The following NRG1 variants were observed in gnomAD, a reference collection of about 807,000 sequenced individuals.
NRG1 encodes the protein pro-neuregulin-1, membrane-bound isoform.
In NRG1, 18 loss-of-function variants were observed where a neutral mutation model predicts 63.8. That is an observed-to-expected ratio of 0.28 (90% CI 0.19 to 0.42). The LOEUF is 0.42. Among genes scored for constraint, NRG1 ranks in the 10% least tolerant of loss-of-function variants. The probability of loss-of-function intolerance (pLI) is 1.00; values close to 1 mark genes in which losing one functional copy is unlikely to be tolerated. For synonymous variants in NRG1, 302 were observed against 301.3 expected (o/e 1.00, Z -0.02); for missense variants, 762 against 814.7 (o/e 0.94, Z 0.79).
intron 1 of NRG1, among the ~76,000 whole-genome samples, chr8:32,226,078 G>A (rs1563927153): frequency 6.6e-6 from 1 of 152,136 alleles, no homozygotes; most frequent in African/African-American, 2.4e-5. Flanking sequence ...TGAAGATATG[G>A]CTCTAGATTC....
chr8:31,909,046 G>A (rs1832740267), intron 1 of NRG1, among the ~76,000 whole-genome samples: 1 of 152,100 alleles, frequency 6.6e-6, no homozygotes, highest in African/African-American at 2.4e-5. Flanking sequence ...TCAACTGTAG[G>A]TCATCTCACC....
chr8:32,725,763 C>T (rs138276793), intron 5 of NRG1, among the ~76,000 whole-genome samples: 207 of 151,936 alleles, frequency 1.4e-3, no homozygotes, highest in Admixed American at 2.6e-3. Context: ...CGTGATCCAC[C>T]GTACCCAGCC....
intron 1 of NRG1, among the ~76,000 whole-genome samples, chr8:31,854,817 G>C (rs1285643681): frequency 1.3e-5 from 2 of 151,878 alleles, no homozygotes. Context: ...TTGTGTCTTT[G>C]TTCTCGTTGG....
chr8:32,693,468 G>A lies in NRG1; in HGVS notation c.503-34481G>A, dbSNP rs905832756. Among the ~76,000 whole-genome samples, 10 of 150,964 alleles carry A rather than the reference G, an allele frequency of 6.6e-5. 1 individual carries two copies. The highest frequency in any genetic ancestry group is 5.9e-4 in the East Asian group (3 of 5,108). ...CCTGACCTTGTGATCCGCCCACCTC[G>A]GCCTCCCAAAGTGCTGGGATTACAG... On this transcript the variant is annotated intron_variant, in intron 5 of 11. Transcript: ENST00000356819.
intron 6 of NRG1, chr8:32,728,517 A>G: frequency 1.0e-6 from 1 of 985,426 alleles, no homozygotes; most frequent in Non-Finnish European, 1.2e-6. Flanking sequence ...GAGAAGCAGA[A>G]GGGCAGAAGA....
chr8:32,355,181 G>C (rs1394459339), intron 1 of NRG1, among the ~76,000 whole-genome samples: 1 of 152,282 alleles, frequency 6.6e-6, no homozygotes, highest in Non-Finnish European at 1.5e-5. Context: ...ATAGCAGTCT[G>C]GTTGTGGTGG....
Position 32,352,961 on chromosome 8 carries a change from T to TATATAGAG in NRG1, c.38-242866_38-242865insTATAGAGA, listed in dbSNP as rs371039140. On this transcript the variant is annotated intron_variant, in intron 1 of 10. Coordinates refer to the NRG1 transcript ENST00000519301. ...ATATGTGTGTGTGTATATATATATATACAGAGAGAGAGAGACAGAGAGAGA... is the reference window on the plus strand; with the variant it reads ...ATATGTGTGTGTGTATATATATATATATATAGAGACAGAGAGAGAGAGACAGAGAGAGA... Among the ~76,000 whole-genome samples, 30 of 148,100 alleles carry TATATAGAG rather than the reference T, an allele frequency of 2.0e-4. 1 individual carries two copies. In the South Asian group the frequency reaches 6.4e-3, roughly 31 times the overall value.
intron 1 of NRG1, among the ~76,000 whole-genome samples, chr8:31,967,333 C>A (rs1456328757): frequency 6.6e-6 from 1 of 151,916 alleles, no homozygotes; most frequent in African/African-American, 2.4e-5. Flanking sequence ...CTTTTTTATT[C>A]TTTCTTGGAG....
chr8:32,183,103 A>T (rs1841599707), intron 1 of NRG1, among the ~76,000 whole-genome samples: 1 of 152,210 alleles, frequency 6.6e-6, no homozygotes, highest in Non-Finnish European at 1.5e-5. Flanking sequence ...ACTCCATTAC[A>T]TTCTAGGGAT....
chr8:31,763,708 T>G (rs1393378618), intron 1 of NRG1, among the ~76,000 whole-genome samples: 1 of 152,156 alleles, frequency 6.6e-6, no homozygotes, highest in Non-Finnish European at 1.5e-5. Context: ...CCCAGCACCT[T>G]GGGAGGCCGA....
intron 1 of NRG1, among the ~76,000 whole-genome samples, chr8:32,476,154 A>G (rs1019943276): frequency 3.9e-5 from 6 of 152,190 alleles, no homozygotes; most frequent in Non-Finnish European, 2.9e-5. Context: ...AAAATTGGGG[A>G]AAAAAGGAAA....
intron 1 of NRG1, among the ~76,000 whole-genome samples, chr8:32,433,208 G>T (rs558281803): frequency 3.9e-5 from 6 of 152,080 alleles, no homozygotes; most frequent in Non-Finnish European, 8.8e-5. Flanking sequence ...TGCATCAAAT[G>T]GAAGGAACAA....
intron 1 of NRG1, among the ~76,000 whole-genome samples, chr8:32,149,412 C>A (rs1749595302): frequency 6.6e-6 from 1 of 152,110 alleles, no homozygotes; most frequent in Non-Finnish European, 1.5e-5. Flanking sequence ...GAATACCTTC[C>A]CCTCCCTCAG....
intron 1 of NRG1, among the ~76,000 whole-genome samples, chr8:32,137,805 A>G (rs746906857): frequency 3.9e-5 from 6 of 152,146 alleles, no homozygotes; most frequent in African/African-American, 7.2e-5. Flanking sequence ...CTGAGAGTCT[A>G]TGCGCTGCTG....
chr8:32,527,273 G>A (rs140472002), intron 1 of NRG1, among the ~76,000 whole-genome samples: 337 of 152,124 alleles, frequency 2.2e-3, no homozygotes, highest in African/African-American at 7.6e-3. Flanking sequence ...TAAAGAAAAC[G>A]TAATATATAT....
chr8:32,760,252 G>C lies in NRG1; in HGVS notation c.1105G>C (p.Val369Leu), dbSNP rs1234524089. Reference sequence around the variant, plus strand: ...CCTTTCCGAAAGCCACTCTGTAATCGTGATGTCATCCGTAGAAAACAGTAG... The same window carrying C: ...CCTTTCCGAAAGCCACTCTGTAATCCTGATGTCATCCGTAGAAAACAGTAG... The change falls in exon 11 of 12, where the codon GTG becomes CTG. Residue 369 changes from valine to leucine, a missense_variant. Coordinates refer to ENST00000356819, the Ensembl canonical transcript of NRG1. 6 of 1,613,876 alleles carry C rather than the reference G, an allele frequency of 3.7e-6. No individual in the cohort carries two copies. The African/African-American group carries it at 6.7e-5, about 18-fold the overall frequency.
chr8:32,684,069 C>T (rs945795682), intron 5 of NRG1, among the ~76,000 whole-genome samples: 4 of 151,950 alleles, frequency 2.6e-5, no homozygotes, highest in African/African-American at 7.3e-5. Context: ...TATTGGTGCA[C>T]GTCTGTGATC....
chr8:32,615,545 A>G (rs906231045), intron 4 of NRG1, among the ~76,000 whole-genome samples: 1 of 152,088 alleles, frequency 6.6e-6, no homozygotes, highest in African/African-American at 2.4e-5. Flanking sequence ...CAAGTTCGAT[A>G]TTCTTTTTAT....
At chr8:32,609,576 TTCCTTC>T (rs1845962903) in intron 3 of NRG1, among the ~76,000 whole-genome samples, 1 of 125,408 alleles carries the variant, frequency 8.0e-6, no homozygotes, top group Non-Finnish European at 1.6e-5. Context: ...CCTTCCTTCC[TTCCTTC>T]CTTCCTTCCT....
Sources: allele counts gnomAD v4.1 joint callset (sites outside exome capture counted in the v4.1 genomes callset), GRCh38; gene constraint gnomAD v4.1.1; transcripts MANE v1.5; gene names NCBI Gene and HGNC (gene_info 2026-07-23, HGNC 2026-07-21).